PRKG1: variants seen among roughly 807,000 people sequenced by gnomAD.
The protein encoded by PRKG1 is cGMP-dependent protein kinase 1.
A neutral mutation model predicts 88.1 loss-of-function variants in PRKG1; 35 were observed. The ratio of observed to expected loss-of-function variants is 0.40; its 90% CI spans 0.30 to 0.53. The LOEUF (loss-of-function observed/expected upper bound fraction) is 0.53, where lower values mean the gene tolerates loss of function less well. Ranked by LOEUF, PRKG1 falls within the 20% of genes least tolerant of loss-of-function variation. PRKG1 has a pLI of 0.59. For missense variants in PRKG1, 540 were observed against 839.8 expected (o/e 0.64, Z 4.41); for synonymous variants, 303 against 292.5 (o/e 1.04, Z -0.37).
chr10:51,297,181 TA>T lies in PRKG1; in HGVS notation c.478+143852del, dbSNP rs60244975. ...AGCTGTAAGATTGGTTGATTTGTAA[TA>T]GGGGGAAAAAGGGCATGTTGTGGGG... is the stretch of plus-strand genomic sequence containing the variant. On this transcript the variant is annotated intron_variant, in intron 2 of 17. Transcript: ENST00000373980. Among the ~76,000 whole-genome samples the T allele has an allele frequency of 4.8e-3, 724 of 152,074 alleles. 7 individuals are homozygous for T. Among genetic ancestry groups the T allele is most frequent in the African/African-American group, 0.016 (681 of 41,500 alleles).
chr10:51,174,172 A>G (rs1296819025), intron 2 of PRKG1, among the ~76,000 whole-genome samples: 1 of 151,958 alleles, frequency 6.6e-6, no homozygotes, highest in Admixed American at 6.6e-5. Flanking sequence ...ATAATAAAAC[A>G]TCATGTTGGG....
chr10:52,176,452 G>A (rs1589675331), intron 9 of PRKG1, among the ~76,000 whole-genome samples: 1 of 151,950 alleles, frequency 6.6e-6, no homozygotes, highest in South Asian at 2.1e-4. Flanking sequence ...GCAGTGTGAT[G>A]CCTTCAGGTC....
At chr10:51,940,779 T>G (rs1050576967) in intron 5 of PRKG1, among the ~76,000 whole-genome samples, 2 of 151,982 alleles carry the variant, frequency 1.3e-5, no homozygotes, top group African/African-American at 4.8e-5. Flanking sequence ...CTCTCTTTTT[T>G]CTTTCACCAA....
chr10:52,118,575 T>C (rs1237815579), intron 7 of PRKG1, among the ~76,000 whole-genome samples: 8 of 152,056 alleles, frequency 5.3e-5, no homozygotes, highest in African/African-American at 1.9e-4. Context: ...AAAATTGATA[T>C]GTTTAATAAT....
chr10:52,268,795 C>T (rs990792963), intron 10 of PRKG1, among the ~76,000 whole-genome samples: 10 of 152,094 alleles, frequency 6.6e-5, no homozygotes, highest in African/African-American at 2.4e-4. Flanking sequence ...GAAAAAGCAA[C>T]ATTTGATTTG....
intron 2 of PRKG1, among the ~76,000 whole-genome samples, chr10:51,243,821 A>G (rs2065351339): frequency 6.6e-6 from 1 of 152,196 alleles, no homozygotes; most frequent in Admixed American, 6.5e-5. Flanking sequence ...AGGGCTGGAA[A>G]CGGAACAATT....
At chr10:51,724,582 T>C (rs1339152820) in intron 3 of PRKG1, among the ~76,000 whole-genome samples, 1 of 152,190 alleles carries the variant, frequency 6.6e-6, no homozygotes, top group Non-Finnish European at 1.5e-5. Flanking sequence ...TGAGATGGGG[T>C]CTCACTATAT....
At chr10:52,246,612 C>T (rs944839152) in intron 9 of PRKG1, among the ~76,000 whole-genome samples, 2 of 152,128 alleles carry the variant, frequency 1.3e-5, no homozygotes, top group African/African-American at 4.8e-5. Flanking sequence ...TGTGGTGGCT[C>T]ATGCCTGTAA....
chr10:51,736,267 A>G (rs1837277286), intron 3 of PRKG1, among the ~76,000 whole-genome samples: 1 of 151,982 alleles, frequency 6.6e-6, no homozygotes, highest in East Asian at 1.9e-4. Context: ...CTTTAAAAAA[A>G]TTATTTATTA....
intron 3 of PRKG1, among the ~76,000 whole-genome samples, chr10:51,595,585 G>A (rs1401562246): frequency 1.3e-5 from 2 of 151,798 alleles, no homozygotes; most frequent in Non-Finnish European, 2.9e-5. Context: ...AGCTGAGATT[G>A]TGCCACTGCA....
intron 4 of PRKG1, among the ~76,000 whole-genome samples, chr10:51,821,285 A>G (rs1008143346): frequency 1.4e-4 from 22 of 152,162 alleles, no homozygotes; most frequent in South Asian, 2.1e-4. Flanking sequence ...TTTTGAGGCT[A>G]GTATAAATAA....
chr10:51,104,704 T>G (rs964714626), intron 1 of PRKG1, among the ~76,000 whole-genome samples: 40 of 133,344 alleles, frequency 3.0e-4, no homozygotes, highest in Non-Finnish European at 6.5e-4. Context: ...TTTATTTTAT[T>G]TATTTATTTA....
intron 2 of PRKG1, among the ~76,000 whole-genome samples, chr10:51,210,880 G>A (rs186741462): frequency 5.9e-5 from 9 of 152,270 alleles, no homozygotes; most frequent in African/African-American, 2.2e-4. Context: ...AATTCTACCA[G>A]AGGTACAAGG....
intron 5 of PRKG1, among the ~76,000 whole-genome samples, chr10:52,026,982 C>T (rs1023313975): frequency 5.3e-5 from 8 of 151,852 alleles, no homozygotes; most frequent in African/African-American, 1.9e-4. Context: ...GTCAAAAAAA[C>T]AATAAAAAGA....
intron 5 of PRKG1, among the ~76,000 whole-genome samples, chr10:52,015,848 A>C (rs538732476): frequency 6.6e-6 from 1 of 152,330 alleles, no homozygotes; most frequent in Non-Finnish European, 1.5e-5. Context: ...TCTTTAGGGC[A>C]GGGGCGAAAT....
At chr10:51,553,561 C>T (rs1470455257) in intron 3 of PRKG1, among the ~76,000 whole-genome samples, 3 of 151,534 alleles carry the variant, frequency 2.0e-5, no homozygotes, top group Non-Finnish European at 4.4e-5. Flanking sequence ...TTGCCTCTTT[C>T]CATTCTCTCC....
At chr10:52,045,715 A>G (rs894247359) in intron 5 of PRKG1, among the ~76,000 whole-genome samples, 6 of 152,094 alleles carry the variant, frequency 3.9e-5, no homozygotes, top group African/African-American at 1.2e-4. Context: ...TTAAAAGAAA[A>G]AAAAACAATT....
At chr10:51,348,099 T>C (rs1842156723) in intron 2 of PRKG1, among the ~76,000 whole-genome samples, 1 of 151,930 alleles carries the variant, frequency 6.6e-6, no homozygotes, top group Non-Finnish European at 1.5e-5. Flanking sequence ...GCAACAAAGT[T>C]TGGGGAGAAA....
At chr10:51,340,156 G>C (rs1287353847) in intron 2 of PRKG1, among the ~76,000 whole-genome samples, 7 of 152,016 alleles carry the variant, frequency 4.6e-5, no homozygotes, top group Non-Finnish European at 8.8e-5. Context: ...TACTTTTGTA[G>C]CATTAGCCTT....
Sources: allele counts gnomAD v4.1 joint callset (sites outside exome capture counted in the v4.1 genomes callset), GRCh38; gene constraint gnomAD v4.1.1; transcripts MANE v1.5; gene names NCBI Gene and HGNC (gene_info 2026-07-23, HGNC 2026-07-21).